Variants in GALNT13 observed in about 807,000 individuals in gnomAD.
GALNT13 encodes UDP-GalNAc:polypeptide N-acetylgalactosaminyltransferase 13.
In GALNT13, 28 loss-of-function variants were observed where a neutral mutation model predicts 64.2. The observed-to-expected ratio is 0.44, with a 90% confidence interval of 0.32 to 0.60. The LOEUF is 0.60. GALNT13 is among the 20% of genes least tolerant of loss of function. The pLI is 0.05. For missense variants in GALNT13, 577 were observed against 669.8 expected (o/e 0.86, Z 1.53); for synonymous variants, 214 against 224.6 (o/e 0.95, Z 0.42).
chr2:154,442,801 C>T (rs115021785), intron 12 of GALNT13, among the ~76,000 whole-genome samples: 1,688 of 151,808 alleles, frequency 0.011, 35 homozygotes, highest in African/African-American at 0.039. Flanking sequence ...GATCAGAACA[C>T]TTATGTTCAA....
intron 10 of GALNT13, among the ~76,000 whole-genome samples, chr2:154,404,877 A>G (rs367855807): frequency 6.6e-6 from 1 of 152,178 alleles, no homozygotes; most frequent in African/African-American, 2.4e-5. Flanking sequence ...AAGGTGTTCC[A>G]TATTTGTGAA....
At position 154,219,526 on chromosome 2, in the gene GALNT13, C is replaced by T. The variant is rs562927062; in HGVS notation, c.312-22504C>T. On this transcript the variant is annotated intron_variant, in intron 4 of 12. Transcript: ENST00000392825. ...CAATATTCATACTATCTGGAAAACA[C>T]ATTAATAGTATATTGTGCATCACTG... is the stretch of plus-strand genomic sequence containing the variant. Among the ~76,000 whole-genome samples, 7 of 152,162 alleles carry T rather than the reference C, an allele frequency of 4.6e-5. No homozygotes were observed. The South Asian group carries it at 1.4e-3, about 31-fold the overall frequency.
At chr2:154,288,408 C>CA (rs1330146679) in intron 8 of GALNT13, among the ~76,000 whole-genome samples, 1 of 152,078 alleles carries the variant, frequency 6.6e-6, no homozygotes, top group East Asian at 1.9e-4. Flanking sequence ...CCTCACATTT[C>CA]AAAACCAATC....
intron 3 of GALNT13, among the ~76,000 whole-genome samples, chr2:154,090,095 A>C (rs1360178647): frequency 1.3e-5 from 2 of 152,146 alleles, no homozygotes; most frequent in Non-Finnish European, 2.9e-5. Context: ...TGTAAAATAC[A>C]AAATGATGTG....
At chr2:154,432,728 C>T (rs1700764869) in intron 11 of GALNT13, among the ~76,000 whole-genome samples, 1 of 152,128 alleles carries the variant, frequency 6.6e-6, no homozygotes, top group Admixed American at 6.5e-5. Flanking sequence ...TGTCTTTTCT[C>T]TGTCTCTATT....
At chr2:153,741,340 C>A in the GALNT13 span, among the ~76,000 whole-genome samples, 2 of 151,966 alleles carry the variant, frequency 1.3e-5, no homozygotes, top group African/African-American at 4.8e-5. Context: ...ATTCTATCAG[C>A]TCTTCTCTAA....
At chr2:153,546,070 T>G in the GALNT13 span, among the ~76,000 whole-genome samples, 4 of 152,202 alleles carry the variant, frequency 2.6e-5, no homozygotes, top group East Asian at 3.9e-4. Flanking sequence ...GGCTATGTTT[T>G]TCTCTTCTGG....
the GALNT13 span, among the ~76,000 whole-genome samples, chr2:153,123,565 T>C: frequency 1.5e-4 from 23 of 152,306 alleles, no homozygotes; most frequent in African/African-American, 5.5e-4. Context: ...ACTCCAACTT[T>C]TGAGACAGGA....
intron 9 of GALNT13, among the ~76,000 whole-genome samples, chr2:154,349,867 G>A (rs749469356): frequency 6.6e-6 from 1 of 152,310 alleles, no homozygotes; most frequent in Admixed American, 6.5e-5. Flanking sequence ...GCCAAGCATG[G>A]CAATGCTGGA....
At chr2:153,675,799 GA>G in the GALNT13 span, among the ~76,000 whole-genome samples, 2 of 152,094 alleles carry the variant, frequency 1.3e-5, no homozygotes, top group African/African-American at 4.8e-5. Context: ...CAGAAATCAA[GA>G]AATTCTTCAA....
the GALNT13 span, among the ~76,000 whole-genome samples, chr2:153,320,886 T>G: frequency 3.3e-5 from 5 of 152,192 alleles, no homozygotes; most frequent in African/African-American, 1.2e-4. Flanking sequence ...AAAGGCACAT[T>G]TATATATCTT....
chr2:153,739,559 T>A, the GALNT13 span, among the ~76,000 whole-genome samples: 2 of 75,680 alleles, frequency 2.6e-5, no homozygotes, highest in East Asian at 2.0e-4. Flanking sequence ...TTTATTTATT[T>A]ATTATTTTAT....
At chr2:153,138,512 C>T in the GALNT13 span, among the ~76,000 whole-genome samples, 1 of 151,946 alleles carries the variant, frequency 6.6e-6, no homozygotes. Flanking sequence ...TTCTCTTAAA[C>T]AATATCATCG....
intron 10 of GALNT13, among the ~76,000 whole-genome samples, chr2:154,398,809 C>A (rs799738): frequency 0.34 from 52,277 of 152,000 alleles, 9,433 homozygotes; most frequent in African/African-American, 0.45. Context: ...GAATAGTAGC[C>A]TACCAGTAGT....
chr2:154,092,553 C>T (rs1450599167), intron 3 of GALNT13, among the ~76,000 whole-genome samples: 1 of 152,010 alleles, frequency 6.6e-6, no homozygotes, highest in African/African-American at 2.4e-5. Context: ...TAACTGGAAA[C>T]TGTCACTGTT....
chr2:154,153,005 C>T (rs1178293833), intron 4 of GALNT13, among the ~76,000 whole-genome samples: 1 of 152,188 alleles, frequency 6.6e-6, no homozygotes, highest in Non-Finnish European at 1.5e-5. Flanking sequence ...AGGAGAGGCG[C>T]TCTGCTTTTT....
chr2:153,989,022 GA>G (rs1433917390), intron 3 of GALNT13, among the ~76,000 whole-genome samples: 1 of 151,162 alleles, frequency 6.6e-6, no homozygotes, highest in African/African-American at 2.4e-5. Context: ...TGTAATAATA[GA>G]TAGAGGTGCA....
At chr2:154,394,966 G>T (rs1698988642) in intron 9 of GALNT13, among the ~76,000 whole-genome samples, 1 of 152,190 alleles carries the variant, frequency 6.6e-6, no homozygotes, top group Non-Finnish European at 1.5e-5. Flanking sequence ...TTGGAAAATA[G>T]TGGCTTGGTA....
intron 8 of GALNT13, among the ~76,000 whole-genome samples, chr2:154,297,365 G>A (rs1054586466): frequency 1.5e-4 from 23 of 152,180 alleles, no homozygotes; most frequent in African/African-American, 5.6e-4. Flanking sequence ...CAAAATTCAT[G>A]TATTGAAGCC....
Sources: allele counts gnomAD v4.1 joint callset (sites outside exome capture counted in the v4.1 genomes callset), GRCh38; gene constraint gnomAD v4.1.1; transcripts MANE v1.5; gene names NCBI Gene and HGNC (gene_info 2026-07-23, HGNC 2026-07-21).